The following CBLB variants were observed in gnomAD, a reference collection of about 807,000 sequenced individuals.
The protein encoded by CBLB is E3 ubiquitin-protein ligase CBL-B.
A neutral mutation model predicts 104.9 loss-of-function variants in CBLB; 31 were observed. That is an observed-to-expected ratio of 0.30 (90% CI 0.22 to 0.40). CBLB has a LOEUF of 0.40. CBLB is among the 10% of genes least tolerant of loss of function. The probability of loss-of-function intolerance (pLI) is 1.00; values close to 1 mark genes in which losing one functional copy is unlikely to be tolerated. For missense variants in CBLB, 1,062 were observed against 1,214.6 expected, an observed-to-expected ratio of 0.87 and a Z score of 1.87; for synonymous variants, 440 against 422.6, an observed-to-expected ratio of 1.04 and a Z score of -0.51.
At chr3:105,844,647 T>C (rs950702880) in intron 3 of CBLB, among the ~76,000 whole-genome samples, 11 of 152,192 alleles carry the variant, frequency 7.2e-5, no homozygotes, top group African/African-American at 2.2e-4. Context: ...AAGATTAATA[T>C]TTTTAAAAGA....
At chr3:105,764,136 G>A (rs908685223) in intron 4 of CBLB, among the ~76,000 whole-genome samples, 1 of 152,148 alleles carries the variant, frequency 6.6e-6, no homozygotes, top group African/African-American at 2.4e-5. Context: ...ATTGACCCAA[G>A]TAGACACATC....
At chr3:105,691,566 G>A (rs554731899) in intron 13 of CBLB, among the ~76,000 whole-genome samples, 1 of 152,226 alleles carries the variant, frequency 6.6e-6, no homozygotes, top group African/African-American at 2.4e-5. Flanking sequence ...TCTCTAATTA[G>A]CAAGATTTCA....
intron 3 of CBLB, among the ~76,000 whole-genome samples, chr3:105,779,273 A>G (rs74735269): frequency 0.074 from 11,317 of 152,280 alleles, 579 homozygotes; most frequent in East Asian, 0.29. Context: ...AAAGAAACAT[A>G]GTAACATTTT....
chr3:105,823,677 G>A (rs1160889423), intron 3 of CBLB, among the ~76,000 whole-genome samples: 1 of 152,128 alleles, frequency 6.6e-6, no homozygotes. Flanking sequence ...TCTGAGTCAT[G>A]TACCTCAGCA....
intron 3 of CBLB, among the ~76,000 whole-genome samples, chr3:105,803,006 G>C (rs963003789): frequency 1.4e-4 from 21 of 152,260 alleles, no homozygotes; most frequent in African/African-American, 4.6e-4. Context: ...TAAACCCGTA[G>C]TGTTGATGAA....
intron 4 of CBLB, among the ~76,000 whole-genome samples, chr3:105,769,086 G>C (rs1390316749): frequency 1.3e-5 from 2 of 152,178 alleles, no homozygotes; most frequent in Non-Finnish European, 2.9e-5. Flanking sequence ...GGCTGAGACA[G>C]GTGGATCACC....
chr3:105,846,677 A>G (rs1368890030), intron 3 of CBLB, among the ~76,000 whole-genome samples: 1 of 152,154 alleles, frequency 6.6e-6, no homozygotes, highest in Non-Finnish European at 1.5e-5. Flanking sequence ...ATGGCATCAG[A>G]GCATGAGATT....
At chr3:105,799,556 T>C (rs1352579488) in intron 3 of CBLB, among the ~76,000 whole-genome samples, 1 of 152,196 alleles carries the variant, frequency 6.6e-6, no homozygotes, top group East Asian at 1.9e-4. Context: ...ATAACGTTTG[T>C]GCTGTTATCT....
At chr3:105,838,153 G>C (rs1202695863) in intron 3 of CBLB, among the ~76,000 whole-genome samples, 1 of 142,416 alleles carries the variant, frequency 7.0e-6, no homozygotes, top group African/African-American at 2.6e-5. Context: ...CATGACCTCA[G>C]CTCACAGTAG....
intron 14 of CBLB, 75 bp downstream of exon 14, chr3:105,685,245 A>G: frequency 3.2e-6 from 4 of 1,266,532 alleles, no homozygotes; most frequent in Non-Finnish European, 2.3e-6. Context: ...ACGTGAATCA[A>G]TTGTTTAAAA....
At chr3:105,777,778 T>C (rs927411713) in intron 3 of CBLB, among the ~76,000 whole-genome samples, 5 of 152,234 alleles carry the variant, frequency 3.3e-5, no homozygotes, top group Non-Finnish European at 7.3e-5. Flanking sequence ...AGCTCTATTC[T>C]AATTTCCATG....
chr3:105,825,898 C>T (rs907323891), intron 3 of CBLB, among the ~76,000 whole-genome samples: 1 of 152,104 alleles, frequency 6.6e-6, no homozygotes, highest in Admixed American at 6.6e-5. Flanking sequence ...TTTTTATACT[C>T]GTATTTCATT....
chr3:105,732,598 C>T (rs1290033434), intron 9 of CBLB, among the ~76,000 whole-genome samples: 1 of 152,108 alleles, frequency 6.6e-6, no homozygotes, highest in Non-Finnish European at 1.5e-5. Flanking sequence ...AATTCATTTC[C>T]TAATTCTTCC....
intron 18 of CBLB, among the ~76,000 whole-genome samples, chr3:105,669,751 CATT>C (rs1390588597): frequency 6.6e-6 from 1 of 152,084 alleles, no homozygotes; most frequent in Non-Finnish European, 1.5e-5. Flanking sequence ...AGCAGCATTC[CATT>C]ATTAACGGTT....
chr3:105,849,314 C>G (rs1386167950), intron 3 of CBLB, among the ~76,000 whole-genome samples: 2 of 152,152 alleles, frequency 1.3e-5, no homozygotes, highest in African/African-American at 4.8e-5. Context: ...AGAACATTGT[C>G]AGTAAACAGA....
chr3:105,674,845 A>G (rs1030095155), intron 17 of CBLB, among the ~76,000 whole-genome samples: 1 of 152,186 alleles, frequency 6.6e-6, no homozygotes, highest in African/African-American at 2.4e-5. Context: ...TTCTGCCAAA[A>G]GAAATCTTAC....
At chr3:105,745,718 T>C (rs2076039948) in intron 6 of CBLB, among the ~76,000 whole-genome samples, 199 bp downstream of exon 6, 1 of 150,602 alleles carries the variant, frequency 6.6e-6, no homozygotes, top group Non-Finnish European at 1.5e-5. Context: ...CCTTTCACTT[T>C]ATGAATACCA....
intron 3 of CBLB, among the ~76,000 whole-genome samples, chr3:105,810,822 C>T (rs2084192902): frequency 6.6e-6 from 1 of 152,050 alleles, no homozygotes; most frequent in Non-Finnish European, 1.5e-5. Context: ...GAGTAAATGC[C>T]TGCTACTTCC....
chr3:105,698,334 C>T (rs551768108), intron 12 of CBLB, among the ~76,000 whole-genome samples: 1 of 151,932 alleles, frequency 6.6e-6, no homozygotes, highest in South Asian at 2.1e-4. Context: ...GTTCTAGTGA[C>T]AATGCAAACA....
Sources: gnomAD v4.1 joint callset for allele counts (sites outside exome capture counted in the v4.1 genomes callset) on GRCh38, gnomAD v4.1.1 for gene constraint, MANE v1.5 for transcripts, NCBI Gene and HGNC (gene_info 2026-07-23, HGNC 2026-07-21) for gene names.